Variants in SLC8A3 observed in about 807,000 individuals in gnomAD.
The protein encoded by SLC8A3 is sodium/calcium exchanger 3.
A neutral mutation model predicts 65.4 loss-of-function variants in SLC8A3; 37 were observed. The observed-to-expected ratio is 0.57, with a 90% CI of 0.44 to 0.74. The LOEUF (loss-of-function observed/expected upper bound fraction) is 0.74. Ranked by LOEUF, SLC8A3 falls within the 30% of genes least tolerant of loss-of-function variation. The pLI is 0.00. For missense variants in SLC8A3, 1,112 were observed against 1,172.1 expected (o/e 0.95, Z 0.75); for synonymous variants, 461 against 444.5 (o/e 1.04, Z -0.47).
chr14:70,155,391 C>T (rs866824756), intron 2 of SLC8A3, among the ~76,000 whole-genome samples: 6 of 152,202 alleles, frequency 3.9e-5, no homozygotes, highest in Non-Finnish European at 7.3e-5. Flanking sequence ...TATCCTCCTT[C>T]GCATCCTCTA....
At chr14:70,144,327 TTTTTAAAAAA>T (rs1269375800) in intron 2 of SLC8A3, among the ~76,000 whole-genome samples, 24 of 140,850 alleles carry the variant, frequency 1.7e-4, no homozygotes, top group African/African-American at 6.5e-4. Flanking sequence ...TTTTTTTTTT[TTTTTAAAAAA>T]AAAAAAAAAA....
intron 2 of SLC8A3, among the ~76,000 whole-genome samples, chr14:70,088,511 A>C (rs1246202811): frequency 6.6e-6 from 1 of 152,174 alleles, no homozygotes; most frequent in Admixed American, 6.5e-5. Context: ...CACTGGACTC[A>C]ACATTGAAGA....
intron 3 of SLC8A3, among the ~76,000 whole-genome samples, chr14:70,055,195 T>C (rs1203631031): frequency 6.6e-6 from 1 of 152,046 alleles, no homozygotes. Context: ...CAATCCCCCA[T>C]CCTAATTCAT....
chr14:70,115,078 A>T (rs1893566672), intron 2 of SLC8A3, among the ~76,000 whole-genome samples: 1 of 152,192 alleles, frequency 6.6e-6, no homozygotes. Flanking sequence ...TGCTCTAAGG[A>T]TACTTAAAGA....
At chr14:70,123,652 G>A (rs919115705) in intron 2 of SLC8A3, among the ~76,000 whole-genome samples, 90 of 152,178 alleles carry the variant, frequency 5.9e-4, no homozygotes, top group South Asian at 2.1e-4. Context: ...GTTTCACCAC[G>A]TTGGCCAGGC....
intron 3 of SLC8A3, among the ~76,000 whole-genome samples, chr14:70,056,057 C>T (rs1052253537): frequency 3.3e-5 from 5 of 152,126 alleles, no homozygotes; most frequent in Admixed American, 2.0e-4. Flanking sequence ...GGCATTTGCT[C>T]CTATGCTTTC....
At chr14:70,090,425 C>G (rs567170440) in intron 2 of SLC8A3, among the ~76,000 whole-genome samples, 1 of 152,258 alleles carries the variant, frequency 6.6e-6, no homozygotes, top group Non-Finnish European at 1.5e-5. Flanking sequence ...GATAAAAGAA[C>G]GGTGCATTGG....
chr14:70,052,251 G>T, intron 3 of SLC8A3, 137 bp from the exon 4 acceptor site: 1 of 1,105,356 alleles, frequency 9.0e-7, no homozygotes, highest in Non-Finnish European at 1.2e-6. Context: ...TATTTTTAGT[G>T]CCTTTTTTAT....
chr14:70,072,411 A>C (rs978819916), intron 2 of SLC8A3, among the ~76,000 whole-genome samples: 2 of 149,074 alleles, frequency 1.3e-5, no homozygotes, highest in Admixed American at 6.7e-5. Context: ...TTTTTTAGAC[A>C]TTATTCTTTT....
chr14:70,105,008 A>G (rs182299436), intron 2 of SLC8A3, among the ~76,000 whole-genome samples: 2 of 152,346 alleles, frequency 1.3e-5, no homozygotes, highest in African/African-American at 4.8e-5. Flanking sequence ...CAAAGCCAAA[A>G]TGTAGTCCTT....
rs10132344 is a variant in SLC8A3, at chr14:70,130,168, G to A, written c.1784+36471C>T. On this transcript the variant is annotated intron_variant, in intron 2 of 6. Coordinates refer to ENST00000356921, the MANE Select transcript of SLC8A3 (RefSeq NM_182932.3). Reference sequence around the variant, plus strand: ...GAATTCTGAGATCTGAAAGATTATCGGTAGGAGCTTCAGACCCTAAACATT... The same window carrying A: ...GAATTCTGAGATCTGAAAGATTATCAGTAGGAGCTTCAGACCCTAAACATT... Among the ~76,000 whole-genome samples, 798 of 152,262 alleles carry A rather than the reference G, an allele frequency of 5.2e-3. 10 individuals are homozygous for A. The highest frequency in any genetic ancestry group is 0.017 in the African/African-American group (725 of 41,532).
intron 2 of SLC8A3, among the ~76,000 whole-genome samples, chr14:70,066,456 CT>C (rs1889434206): frequency 6.6e-6 from 1 of 150,526 alleles, no homozygotes; most frequent in East Asian, 2.0e-4. Context: ...AGGCCTCCCT[CT>C]CTTCCCCAGC....
At chr14:70,066,044 A>G (rs1009461543) in intron 2 of SLC8A3, among the ~76,000 whole-genome samples, 2 of 152,228 alleles carry the variant, frequency 1.3e-5, no homozygotes, top group African/African-American at 4.8e-5. Flanking sequence ...TTTGATTGAC[A>G]TCTTAGGTGG....
At chr14:70,134,363 G>T (rs1895051089) in intron 2 of SLC8A3, among the ~76,000 whole-genome samples, 1 of 152,096 alleles carries the variant, frequency 6.6e-6, no homozygotes, top group Admixed American at 6.6e-5. Flanking sequence ...CTGGGGAGGG[G>T]GATTTCCAAT....
intron 2 of SLC8A3, among the ~76,000 whole-genome samples, chr14:70,073,242 T>C (rs1890173658): frequency 6.6e-6 from 1 of 152,192 alleles, no homozygotes; most frequent in African/African-American, 2.4e-5. Flanking sequence ...AGGGAGGATC[T>C]GGCCTTCTTG....
At chr14:70,165,674 C>T in intron 2 of SLC8A3, among the ~76,000 whole-genome samples, 1 of 152,110 alleles carries the variant, frequency 6.6e-6, no homozygotes, top group East Asian at 1.9e-4. Context: ...TAAAGCTATC[C>T]AACTGGAAAA....
chr14:70,052,601 AG>A (rs1187914985), intron 3 of SLC8A3, among the ~76,000 whole-genome samples: 2 of 95,526 alleles, frequency 2.1e-5, no homozygotes, highest in Admixed American at 8.2e-5. Context: ...CATGTTGAAC[AG>A]TTTTTTTGTT....
At chr14:70,100,621 G>A (rs17107778) in intron 2 of SLC8A3, among the ~76,000 whole-genome samples, 17,910 of 152,228 alleles carry the variant, frequency 0.12, 1,108 homozygotes, top group African/African-American at 0.17. Context: ...AGCCCTCACA[G>A]GACTTCCTTT....
chr14:70,126,570 T>TCTCTCTCTCACACACACA (rs1385909771), intron 2 of SLC8A3, among the ~76,000 whole-genome samples: 1 of 116,996 alleles, frequency 8.5e-6, no homozygotes, highest in African/African-American at 3.2e-5. Flanking sequence ...TCTCTCTCTC[T>TCTCTCTCTCACACACACA]CACACACACA....
Sources: allele counts gnomAD v4.1 joint callset (sites outside exome capture counted in the v4.1 genomes callset), GRCh38; gene constraint gnomAD v4.1.1; transcripts MANE v1.5; gene names NCBI Gene and HGNC (gene_info 2026-07-23, HGNC 2026-07-21).